Variants in CTTNBP2 observed in about 807,000 individuals in gnomAD.
CTTNBP2 encodes the protein cortactin binding protein 2, also known as cortactin-binding protein 2.
A neutral mutation model predicts 156.9 loss-of-function variants in CTTNBP2; 108 were observed. The observed-to-expected ratio is 0.69, with a 90% confidence interval of 0.59 to 0.81. CTTNBP2 has a LOEUF of 0.81. Among genes scored for constraint, CTTNBP2 ranks in the 30% least tolerant of loss-of-function variants. The pLI is 0.00. For missense variants in CTTNBP2, 1,924 were observed against 2,035.4 expected (o/e 0.95, Z 1.05); for synonymous variants, 767 against 751.8 (o/e 1.02, Z -0.33).
rs752625695 is a variant in CTTNBP2, at chr7:117,760,713, G to A, written c.2897-3C>T. 6.3e-7 allele frequency: 1 copy of A among 1,593,056 alleles called. No homozygotes were observed. The highest frequency in any genetic ancestry group is 1.1e-5 in the South Asian group (1 of 90,038). On this transcript the variant is annotated splice_polypyrimidine_tract_variant and splice_region_variant and intron_variant, in intron 9 of 22. Coordinates refer to ENST00000160373, the MANE Select transcript of CTTNBP2 (RefSeq NM_033427.3). ...CCTTAAGGGTATTTTAAGAGCATCTGTTAGAAGAGTAAAAGAATTAGGAGT... is the reference window on the plus strand; with the variant it reads ...CCTTAAGGGTATTTTAAGAGCATCTATTAGAAGAGTAAAAGAATTAGGAGT...
chr7:117,788,985 T>G (rs1798849624), intron 4 of CTTNBP2, among the ~76,000 whole-genome samples: 1 of 101,270 alleles, frequency 9.9e-6, no homozygotes, highest in Admixed American at 8.4e-5. Flanking sequence ...TCGCTGGTAT[T>G]TTTTTTGGTT....
chr7:117,717,726 A>AGTTT (rs983209962), intron 22 of CTTNBP2, among the ~76,000 whole-genome samples: 3 of 149,944 alleles, frequency 2.0e-5, no homozygotes, highest in African/African-American at 7.5e-5. Flanking sequence ...CAATATTTCT[A>AGTTT]GTTTTGTCAT....
At chr7:117,870,381 A>C (rs1303319335) in intron 1 of CTTNBP2, among the ~76,000 whole-genome samples, 1 of 152,248 alleles carries the variant, frequency 6.6e-6, no homozygotes, top group African/African-American at 2.4e-5. Flanking sequence ...ATTGGCTACG[A>C]AAGTTCTTTT....
intron 8 of CTTNBP2, among the ~76,000 whole-genome samples, chr7:117,775,870 T>C (rs1458131257): frequency 6.6e-6 from 1 of 152,188 alleles, no homozygotes; most frequent in African/African-American, 2.4e-5. Flanking sequence ...AATTTTTTTA[T>C]CTCTTTTGTC....
chr7:117,841,426 T>C (rs529788070), intron 2 of CTTNBP2, among the ~76,000 whole-genome samples: 47 of 152,310 alleles, frequency 3.1e-4, no homozygotes, highest in Non-Finnish European at 6.2e-4. Context: ...CTTTTTTTTT[T>C]CCCTTTCATC....
intron 14 of CTTNBP2, among the ~76,000 whole-genome samples, chr7:117,737,351 T>C (rs759798947): frequency 1.3e-5 from 2 of 152,358 alleles, no homozygotes; most frequent in Middle Eastern, 3.4e-3. Flanking sequence ...TCTGGTTTTC[T>C]GTAACTGAGG....
chr7:117,733,369 A>C (rs938894138), intron 16 of CTTNBP2, among the ~76,000 whole-genome samples: 1 of 152,228 alleles, frequency 6.6e-6, no homozygotes, highest in Admixed American at 6.5e-5. Flanking sequence ...TTCCTTTCAA[A>C]GTAAGTTAAA....
At chr7:117,852,828 G>A (rs1017720229) in intron 2 of CTTNBP2, among the ~76,000 whole-genome samples, 1 of 152,084 alleles carries the variant, frequency 6.6e-6, no homozygotes, top group African/African-American at 2.4e-5. Flanking sequence ...AGCAATTAAA[G>A]TAAAGTAAAC....
chr7:117,765,491 ACTGGGATTCAGATG>A (rs1797437837), intron 9 of CTTNBP2, among the ~76,000 whole-genome samples: 2 of 152,206 alleles, frequency 1.3e-5, no homozygotes, highest in Admixed American at 1.3e-4. Context: ...ACATCTGGAT[ACTGGGATTCAGATG>A]CCCTTTCCCT....
intron 21 of CTTNBP2, 127 bp from the exon 22 acceptor site, chr7:117,718,246 C>A: frequency 3.7e-6 from 2 of 536,138 alleles, no homozygotes; most frequent in Non-Finnish European, 3.3e-6. Flanking sequence ...CCCTCAAGTC[C>A]TGAACTGTTC....
intron 1 of CTTNBP2, among the ~76,000 whole-genome samples, chr7:117,872,590 G>A (rs1285580763): frequency 6.6e-6 from 1 of 152,154 alleles, no homozygotes; most frequent in Non-Finnish European, 1.5e-5. Context: ...GAATGGTAGC[G>A]CATTCGGCCT....
At chr7:117,760,844 T>C (rs1183156256) in intron 9 of CTTNBP2, 134 bp from the exon 10 acceptor site, 2 of 659,318 alleles carry the variant, frequency 3.0e-6, no homozygotes, top group Non-Finnish European at 5.1e-6. Context: ...TTAAATAACA[T>C]TACATTGAAC....
chr7:117,831,196 C>A (rs1801590711), intron 2 of CTTNBP2, among the ~76,000 whole-genome samples: 2 of 152,182 alleles, frequency 1.3e-5, no homozygotes, highest in South Asian at 2.1e-4. Context: ...AGAATCAGAG[C>A]TCACTATTTC....
At chr7:117,715,483 A>C (rs1297544468) in intron 22 of CTTNBP2, among the ~76,000 whole-genome samples, 1 of 151,326 alleles carries the variant, frequency 6.6e-6, no homozygotes, top group Non-Finnish European at 1.5e-5. Flanking sequence ...GTTAAAAAAA[A>C]AAAAAAAAAA....
chr7:117,784,697 T>A (rs1338425948), intron 4 of CTTNBP2, among the ~76,000 whole-genome samples: 1 of 152,210 alleles, frequency 6.6e-6, no homozygotes, highest in Non-Finnish European at 1.5e-5. Flanking sequence ...TAGTCATGAG[T>A]CTTGCACAGG....
intron 2 of CTTNBP2, among the ~76,000 whole-genome samples, chr7:117,818,572 C>T (rs1800762717): frequency 6.6e-6 from 1 of 152,136 alleles, no homozygotes; most frequent in Non-Finnish European, 1.5e-5. Flanking sequence ...TGGACACTGC[C>T]CCTCCTCCAA....
intron 2 of CTTNBP2, among the ~76,000 whole-genome samples, chr7:117,856,910 C>A (rs1803364650): frequency 6.6e-6 from 1 of 152,114 alleles, no homozygotes; most frequent in African/African-American, 2.4e-5. Flanking sequence ...GTAAGAATAC[C>A]AGTAGCAACA....
chr7:117,720,750 A>G (rs1487318397), intron 20 of CTTNBP2, among the ~76,000 whole-genome samples: 1 of 152,226 alleles, frequency 6.6e-6, no homozygotes, highest in African/African-American at 2.4e-5. Flanking sequence ...TCATCTAATG[A>G]CTATCTAAAA....
At chr7:117,871,525 A>G (rs1804594369) in intron 1 of CTTNBP2, 1 of 166,160 alleles carries the variant, frequency 6.0e-6, no homozygotes, top group African/African-American at 2.4e-5. Flanking sequence ...AAATTATCAA[A>G]TCCCCAACTA....
Sources: allele counts gnomAD v4.1 joint callset (sites outside exome capture counted in the v4.1 genomes callset), GRCh38; gene constraint gnomAD v4.1.1; transcripts MANE v1.5; gene names NCBI Gene and HGNC (gene_info 2026-07-23, HGNC 2026-07-21).